The following PLEKHH2 variants were observed in gnomAD, a reference collection of about 807,000 sequenced individuals.
The protein encoded by PLEKHH2 is pleckstrin homology domain-containing family H member 2.
In PLEKHH2, 129 loss-of-function variants were observed where a neutral mutation model predicts 187.9. That is an observed-to-expected ratio of 0.69 (90% CI 0.59 to 0.79). The LOEUF (loss-of-function observed/expected upper bound fraction) is 0.79, where lower values mean the gene tolerates loss of function less well. PLEKHH2 is among the 30% of genes least tolerant of loss of function. The pLI is 0.00. For missense variants in PLEKHH2, 2,076 were observed against 1,751.2 expected (o/e 1.19, Z -3.31); for synonymous variants, 686 against 605.6 (o/e 1.13, Z -1.95).
Position 43,712,359 on chromosome 2 carries a change from C to G in PLEKHH2, c.2436C>G (p.Pro812=), listed in dbSNP as rs925568420. ...TTTCCCTGCAGCCTGAGGGCAAACC[C>G]ACCATGAAGGGATTGCTCACTAAGG... ...NPLSLQPEGK[P]TMKGLLTKVK... Residue 812 remains proline (P), a synonymous_variant, in exon 15 of 30, where the codon CCC becomes CCG. Coordinates refer to ENST00000282406, the MANE Select transcript of PLEKHH2 (RefSeq NM_172069.4). 2.5e-6 allele frequency: 4 copies of G among 1,614,036 alleles called. No individual in the cohort carries two copies. The highest frequency in any genetic ancestry group is 3.4e-6 in the Non-Finnish European group (4 of 1,180,028).
In PLEKHH2 at chr2:43,653,254, G is replaced by C. The variant is rs555962859; in HGVS notation, c.123+8458G>C. Among the ~76,000 whole-genome samples, 133 of 152,088 alleles carry C rather than the reference G, an allele frequency of 8.7e-4. 1 individual carries two copies. The highest frequency in any genetic ancestry group is 3.1e-3 in the African/African-American group (130 of 41,516). ...CAAGTTACATCATAATGAACGTTTAGAATATAGAGATCAAAGAAAAGATTC... is the reference window on the plus strand; with the variant it reads ...CAAGTTACATCATAATGAACGTTTACAATATAGAGATCAAAGAAAAGATTC... On this transcript the variant is annotated intron_variant, in intron 2 of 29. Transcript: ENST00000282406.
intron 24 of PLEKHH2, among the ~76,000 whole-genome samples, chr2:43,750,345 G>A (rs916010102): frequency 7.9e-5 from 12 of 152,168 alleles, no homozygotes; most frequent in African/African-American, 1.9e-4. Flanking sequence ...GGTGGCATGC[G>A]CCTGTAGTCC....
chr2:43,713,637 T>G (rs1267017815), intron 15 of PLEKHH2, among the ~76,000 whole-genome samples: 1 of 150,872 alleles, frequency 6.6e-6, no homozygotes, highest in Non-Finnish European at 1.5e-5. Context: ...TCTCTGTGAT[T>G]TTATTTATTT....
chr2:43,698,896 A>G (rs1320516564), intron 7 of PLEKHH2, among the ~76,000 whole-genome samples: 1 of 152,224 alleles, frequency 6.6e-6, no homozygotes, highest in Non-Finnish European at 1.5e-5. Flanking sequence ...ATAAAAACAC[A>G]TTTTGTAGTT....
chr2:43,750,976 GGA>G (rs932931159), intron 24 of PLEKHH2, among the ~76,000 whole-genome samples: 5 of 152,172 alleles, frequency 3.3e-5, no homozygotes, highest in Non-Finnish European at 1.5e-5. Context: ...AACATGGGCT[GGA>G]GACAGGCTGC....
At chr2:43,750,344 C>T (rs1376298062) in intron 24 of PLEKHH2, among the ~76,000 whole-genome samples, 3 of 152,104 alleles carry the variant, frequency 2.0e-5, no homozygotes, top group Middle Eastern at 3.2e-3. Flanking sequence ...TGGTGGCATG[C>T]GCCTGTAGTC....
intron 2 of PLEKHH2, among the ~76,000 whole-genome samples, chr2:43,677,851 C>A (rs7602984): frequency 1.2e-4 from 17 of 147,662 alleles, no homozygotes; most frequent in Non-Finnish European, 1.4e-4. Flanking sequence ...ACCTCCCTCC[C>A]GGACGGGGCG....
intron 23 of PLEKHH2, 133 bp downstream of exon 23, chr2:43,744,122 A>T (rs1417093525): frequency 7.0e-7 from 1 of 1,419,674 alleles, no homozygotes; most frequent in African/African-American, 1.4e-5. Flanking sequence ...TCTCCACGAT[A>T]AGAAAAAAAA....
chr2:43,653,028 A>T (rs182108653), intron 2 of PLEKHH2, among the ~76,000 whole-genome samples: 5 of 152,312 alleles, frequency 3.3e-5, no homozygotes, highest in South Asian at 2.1e-4. Flanking sequence ...CAAAACATTA[A>T]AGAGATGGAA....
intron 3 of PLEKHH2, chr2:43,692,199 G>A (rs1328003428): frequency 1.2e-5 from 2 of 170,558 alleles, no homozygotes; most frequent in African/African-American, 4.8e-5. Flanking sequence ...GAAAAAATGA[G>A]GGCTGGAAAC....
chr2:43,647,248 A>C (rs1666226423), intron 2 of PLEKHH2, among the ~76,000 whole-genome samples: 1 of 152,210 alleles, frequency 6.6e-6, no homozygotes, highest in South Asian at 2.1e-4. Context: ...TAAATATATA[A>C]ACTTTTAAAT....
intron 19 of PLEKHH2, among the ~76,000 whole-genome samples, chr2:43,734,130 G>A (rs953001718): frequency 5.3e-5 from 8 of 152,092 alleles, no homozygotes; most frequent in African/African-American, 1.9e-4. Flanking sequence ...ACATATATGA[G>A]TAGAGAGAAT....
chr2:43,675,752 A>G lies in PLEKHH2; in HGVS notation c.124-3111A>G, dbSNP rs766269439. The stretch of plus-strand genomic sequence containing the variant: ...AGAAGTCTGTTAAGTCTTTTCATCA[A>G]CTCTCTGCTTAAGACAATCCCTCCT... On this transcript the variant is annotated intron_variant, in intron 2 of 29. Coordinates refer to ENST00000282406, the MANE Select transcript of PLEKHH2 (RefSeq NM_172069.4). 2.5e-6 allele frequency: 4 copies of G among 1,613,494 alleles called. No homozygotes were observed. In the Admixed American group the frequency reaches 6.7e-5, roughly 27 times the overall value.
intron 3 of PLEKHH2, among the ~76,000 whole-genome samples, chr2:43,683,602 T>C (rs1668349859): frequency 2.0e-5 from 3 of 152,194 alleles, no homozygotes. Flanking sequence ...CTTTCCACAT[T>C]CTGGAGTTTG....
chr2:43,643,624 C>T (rs951621509), intron 1 of PLEKHH2, among the ~76,000 whole-genome samples: 12 of 152,044 alleles, frequency 7.9e-5, no homozygotes, highest in Admixed American at 5.2e-4. Flanking sequence ...TAGTATACTT[C>T]AACTGCAGTT....
intron 2 of PLEKHH2, among the ~76,000 whole-genome samples, chr2:43,651,986 A>T (rs547986608): frequency 6.6e-6 from 1 of 152,242 alleles, no homozygotes; most frequent in African/African-American, 2.4e-5. Context: ...TATATTTAAG[A>T]ATAGGACACC....
intron 27 of PLEKHH2, among the ~76,000 whole-genome samples, chr2:43,759,875 T>C (rs1043489665): frequency 6.6e-6 from 1 of 152,244 alleles, no homozygotes; most frequent in Non-Finnish European, 1.5e-5. Context: ...TTTCCTCATC[T>C]GTTAATGAAA....
intron 24 of PLEKHH2, among the ~76,000 whole-genome samples, chr2:43,747,088 T>TCTCTCTCTCTCTCTCTCCC (rs1671811464): frequency 3.1e-5 from 4 of 130,606 alleles, no homozygotes; most frequent in Admixed American, 7.5e-5. Context: ...TTCTCTTTCT[T>TCTCTCTCTCTCTCTCTCCC]TCTGTCTCTC....
At chr2:43,764,804 C>G (rs1672561186) in intron 29 of PLEKHH2, among the ~76,000 whole-genome samples, 1 of 152,176 alleles carries the variant, frequency 6.6e-6, no homozygotes, top group Admixed American at 6.5e-5. Context: ...CATACTTGCT[C>G]CTTTACGACT....
Sources: gnomAD v4.1 joint callset for allele counts (sites outside exome capture counted in the v4.1 genomes callset) on GRCh38, gnomAD v4.1.1 for gene constraint, MANE v1.5 for transcripts, NCBI Gene and HGNC (gene_info 2026-07-23, HGNC 2026-07-21) for gene names.